The following NBEA variants were observed in gnomAD, a reference collection of about 807,000 sequenced individuals.
NBEA encodes neurobeachin.
A neutral mutation model predicts 343.4 loss-of-function variants in NBEA; 44 were observed. The observed-to-expected ratio is 0.13, with a 90% CI of 0.10 to 0.16. NBEA has a LOEUF of 0.16. NBEA is among the 10% of genes least tolerant of loss of function. The pLI, the probability that NBEA is intolerant of heterozygous loss-of-function variation, is 1.00. For missense variants in NBEA, 2,555 were observed against 3,631.3 expected (o/e 0.70, Z 7.62); for synonymous variants, 1,175 against 1,238.7 (o/e 0.95, Z 1.08).
intron 48 of NBEA, among the ~76,000 whole-genome samples, chr13:35,612,842 A>G (rs927995488): frequency 2.0e-5 from 3 of 152,192 alleles, no homozygotes; most frequent in Non-Finnish European, 1.5e-5. Context: ...ATCCAACTAA[A>G]TAAACTTTCC....
chr13:35,045,787 G>A (rs1593571795), intron 4 of NBEA, among the ~76,000 whole-genome samples: 1 of 151,998 alleles, frequency 6.6e-6, no homozygotes, highest in African/African-American at 2.4e-5. Flanking sequence ...GAGTTCAGTG[G>A]CGTGATCTTG....
intron 34 of NBEA, among the ~76,000 whole-genome samples, chr13:35,244,067 A>G (rs1199865041): frequency 2.0e-5 from 3 of 151,916 alleles, no homozygotes; most frequent in Non-Finnish European, 2.9e-5. Context: ...ATTTAAAACT[A>G]TTAAAATCTT....
intron 34 of NBEA, among the ~76,000 whole-genome samples, chr13:35,279,125 A>G (rs2034863489): frequency 6.6e-6 from 1 of 152,226 alleles, no homozygotes; most frequent in African/African-American, 2.4e-5. Context: ...TCAATAAAGC[A>G]AGCCCTGGCC....
intron 49 of NBEA, among the ~76,000 whole-genome samples, chr13:35,645,044 C>T (rs540919760): frequency 6.6e-6 from 1 of 152,264 alleles, no homozygotes; most frequent in Admixed American, 6.5e-5. Flanking sequence ...AATAAATTTG[C>T]AGGTTCGCAT....
chr13:35,211,423 A>C (rs773346201), intron 33 of NBEA, among the ~76,000 whole-genome samples: 6 of 152,174 alleles, frequency 3.9e-5, no homozygotes, highest in Admixed American at 1.3e-4. Context: ...ATTCACTGTC[A>C]TTTAGTGCAT....
intron 41 of NBEA, among the ~76,000 whole-genome samples, chr13:35,480,853 A>G (rs1389485949): frequency 1.3e-5 from 2 of 151,972 alleles, no homozygotes; most frequent in African/African-American, 2.4e-5. Context: ...GATGGCATCT[A>G]TACCTTTCTT....
intron 2 of NBEA, among the ~76,000 whole-genome samples, chr13:35,044,555 A>G (rs1271888542): frequency 6.6e-6 from 1 of 150,978 alleles, no homozygotes; most frequent in East Asian, 1.9e-4. Flanking sequence ...ATCTTTGTAC[A>G]TTTGCATATT....
At chr13:35,144,304 T>C (rs1180340489) in intron 18 of NBEA, among the ~76,000 whole-genome samples, 2 of 152,170 alleles carry the variant, frequency 1.3e-5, no homozygotes, top group African/African-American at 4.8e-5. Flanking sequence ...AGGGTAGATA[T>C]TTCCCAGAAC....
chr13:35,209,507 T>G (rs1298746296), intron 32 of NBEA, among the ~76,000 whole-genome samples: 2 of 152,156 alleles, frequency 1.3e-5, no homozygotes, highest in Non-Finnish European at 2.9e-5. Context: ...AATAACCTTT[T>G]TTTTTTGTAA....
intron 1 of NBEA, among the ~76,000 whole-genome samples, chr13:34,979,992 C>T (rs1871814164): frequency 6.6e-6 from 1 of 151,096 alleles, no homozygotes; most frequent in Admixed American, 6.6e-5. Flanking sequence ...TGCTGTAGTA[C>T]CTTTGAAGAA....
At chr13:35,267,774 G>A (rs2033805750) in intron 34 of NBEA, among the ~76,000 whole-genome samples, 1 of 151,094 alleles carries the variant, frequency 6.6e-6, no homozygotes, top group Non-Finnish European at 1.5e-5. Flanking sequence ...TTAGGGAAAT[G>A]CAAAACAAAT....
chr13:34,963,759 C>CACT (rs955270922), intron 1 of NBEA, among the ~76,000 whole-genome samples: 36 of 151,496 alleles, frequency 2.4e-4, no homozygotes, highest in African/African-American at 8.0e-4. Context: ...CATCCAAAGG[C>CACT]ACTGTTGATT....
At chr13:35,529,252 G>A (rs954454489) in intron 41 of NBEA, among the ~76,000 whole-genome samples, 1 of 152,100 alleles carries the variant, frequency 6.6e-6, no homozygotes, top group African/African-American at 2.4e-5. Context: ...TTTCAGTAGT[G>A]ACATTTTCAG....
At chr13:35,377,259 A>G (rs886632222) in intron 38 of NBEA, among the ~76,000 whole-genome samples, 1 of 152,208 alleles carries the variant, frequency 6.6e-6, no homozygotes, top group Non-Finnish European at 1.5e-5. Context: ...CAGCAGCAGC[A>G]ATGGTGAAAC....
intron 38 of NBEA, among the ~76,000 whole-genome samples, chr13:35,397,310 G>T (rs971202150): frequency 6.6e-6 from 1 of 152,110 alleles, no homozygotes; most frequent in African/African-American, 2.4e-5. Context: ...TCTTTGGGTG[G>T]CTGGATCCTT....
chr13:35,182,782 A>C (rs1359250930), intron 29 of NBEA, among the ~76,000 whole-genome samples: 1 of 151,908 alleles, frequency 6.6e-6, no homozygotes, highest in Non-Finnish European at 1.5e-5. Context: ...CAAATCATTA[A>C]TTTATACCAC....
intron 40 of NBEA, among the ~76,000 whole-genome samples, chr13:35,454,872 A>G (rs1159562491): frequency 3.3e-5 from 5 of 152,022 alleles, no homozygotes. Flanking sequence ...CAAAATAAAT[A>G]AAAAATAAAT....
chr13:34,951,661 T>C (rs1593265499), intron 1 of NBEA, among the ~76,000 whole-genome samples: 1 of 152,306 alleles, frequency 6.6e-6, no homozygotes, highest in East Asian at 1.9e-4. Context: ...TTTTCTGATT[T>C]CTTACTTTGC....
At chr13:35,371,236 T>G (rs926784429) in intron 38 of NBEA, among the ~76,000 whole-genome samples, 2 of 152,122 alleles carry the variant, frequency 1.3e-5, no homozygotes, top group Non-Finnish European at 2.9e-5. Flanking sequence ...TCATCTTCAG[T>G]GACACTAAAA....
Sources: gnomAD v4.1 joint callset for allele counts (sites outside exome capture counted in the v4.1 genomes callset) on GRCh38, gnomAD v4.1.1 for gene constraint, MANE v1.5 for transcripts, NCBI Gene and HGNC (gene_info 2026-07-23, HGNC 2026-07-21) for gene names.